Variants in FANCM observed in about 807,000 individuals in gnomAD.
FANCM encodes the protein Fanconi anemia group M protein.
In FANCM, 140 loss-of-function variants were observed where a neutral mutation model predicts 199.5. The ratio of observed to expected loss-of-function variants is 0.70; its 90% confidence interval spans 0.61 to 0.81. The LOEUF is 0.81. Among genes scored for constraint, FANCM ranks in the 30% least tolerant of loss-of-function variants. FANCM has a pLI of 0.00. For synonymous variants in FANCM, 840 were observed against 836.8 expected (o/e 1.00, Z -0.07); for missense variants, 2,410 against 2,421.4 (o/e 1.00, Z 0.10).
chr14:45,136,921 C>T lies in FANCM; in HGVS notation c.509-148C>T, dbSNP rs573519429. The stretch of plus-strand genomic sequence containing the variant: ...CTTTGATATTTGGACCACACCAGAA[C>T]TTTAAAATGTAGCATTCCGATGAAT... On this transcript the variant is annotated intron_variant, in intron 1 of 22. Transcript: ENST00000267430. 13 of 719,932 alleles carry T rather than the reference C, an allele frequency of 1.8e-5. No homozygotes were observed. The South Asian group carries it at 2.1e-4, about 12-fold the overall frequency. The allele number at this position is 719,932 out of a possible 1,614,324, so 44.6% of individuals were successfully genotyped here. A position where few individuals can be genotyped will look rare whatever the true frequency, so the allele number is the denominator to read the frequency against.
chr14:45,195,416 T>G, intron 20 of FANCM: 2 of 411,716 alleles, frequency 4.9e-6, no homozygotes, highest in East Asian at 7.2e-5. Context: ...TCCTTTCTGT[T>G]TTTATGGAGT....
At chr14:45,147,074 T>A (rs1286429941) in intron 3 of FANCM, among the ~76,000 whole-genome samples, 3 of 152,028 alleles carry the variant, frequency 2.0e-5, no homozygotes, top group African/African-American at 4.8e-5. Context: ...CATGTGGGAG[T>A]TACTCATGTA....
intron 8 of FANCM, among the ~76,000 whole-genome samples, chr14:45,158,879 C>T (rs1887378467): frequency 6.6e-6 from 1 of 151,774 alleles, no homozygotes; most frequent in East Asian, 1.9e-4. Context: ...GTTATGTTGC[C>T]CAGGCTGGTC....
chr14:45,149,888 T>C (rs1340192287), intron 4 of FANCM, among the ~76,000 whole-genome samples: 1 of 151,926 alleles, frequency 6.6e-6, no homozygotes, highest in East Asian at 1.9e-4. Context: ...GCATCTAGTA[T>C]ATGGAGGCCA....
In FANCM at chr14:45,140,703, T is replaced by C; in HGVS notation, c.753T>C (p.Asp251=). 6.3e-7 allele frequency: 1 copy of C among 1,575,362 alleles called. No homozygotes were observed. Among genetic ancestry groups the C allele is most frequent in the Non-Finnish European group, 8.7e-7 (1 of 1,145,644 alleles). Residue 251 remains aspartate, a synonymous_variant, in exon 3 of 23, where the codon GAT becomes GAC. Coordinates refer to ENST00000267430, the MANE Select transcript of FANCM (RefSeq NM_020937.4). ...ILALSATPGS[D]IKAVQQVITN... is the part of the protein sequence containing the mutation. ...CTCTAAGTGCCACACCAGGTAGTGA[T>C]ATAAAGGTAAGTAAAATGTTTTTCC...
chr14:45,162,017 A>ATGACTGTATCATGT lies in FANCM; in HGVS notation c.1582-2342_1582-2341insTGACTGTATCATGT, dbSNP rs1365080482. Among the ~76,000 whole-genome samples the ATGACTGTATCATGT allele has an allele frequency of 5.9e-5, 9 of 152,310 alleles. No individual in the cohort carries two copies. In the East Asian group the frequency reaches 1.7e-3, roughly 29 times the overall value. ...GTGGGATATGAGATAAAGGCATATG[A>ATGACTGTATCATGT]AGTCTGACTGTAGGATGACTCCAAG... On this transcript the variant is annotated intron_variant, in intron 9 of 22. Coordinates refer to ENST00000267430, the MANE Select transcript of FANCM (RefSeq NM_020937.4).
rs1012879238 is a variant in FANCM, at chr14:45,170,875, A to C, written c.2160+129A>C. 5 of 801,274 alleles carry C rather than the reference A, an allele frequency of 6.2e-6. No homozygotes were observed. The East Asian group carries it at 8.1e-5, about 13-fold the overall frequency. The allele number at this position is 801,274 out of a possible 1,614,324, so 49.6% of individuals were successfully genotyped here. A position where few individuals can be genotyped will look rare whatever the true frequency, so the allele number is the denominator to read the frequency against. On this transcript the variant is annotated intron_variant, in intron 12 of 22. Coordinates refer to ENST00000267430, the MANE Select transcript of FANCM (RefSeq NM_020937.4). ...TGAGATAATTGTGATTGGAATGTCA[A>C]CTTACTTTAAGAAATTAAGAATGTA... is the stretch of plus-strand genomic sequence containing the variant.
intron 3 of FANCM, among the ~76,000 whole-genome samples, chr14:45,142,598 G>A (rs1015289407): frequency 2.6e-5 from 4 of 151,920 alleles, no homozygotes; most frequent in Admixed American, 2.6e-4. Context: ...GAGCCACTGT[G>A]CCCGGCCGCT....
intron 18 of FANCM, among the ~76,000 whole-genome samples, chr14:45,186,216 A>G (rs1258287759): frequency 2.0e-5 from 3 of 152,172 alleles, no homozygotes; most frequent in Non-Finnish European, 2.9e-5. Context: ...TAAATAAGGC[A>G]GTTAGGAAGA....
intron 13 of FANCM, among the ~76,000 whole-genome samples, chr14:45,173,893 T>C (rs1261990640): frequency 6.6e-6 from 1 of 152,160 alleles, no homozygotes; most frequent in Admixed American, 6.5e-5. Context: ...GTAAATAAAG[T>C]AGTTAGATGT....
chr14:45,142,482 A>AT (rs1178672176), intron 3 of FANCM, among the ~76,000 whole-genome samples: 1 of 151,190 alleles, frequency 6.6e-6, no homozygotes, highest in Admixed American at 6.6e-5. Context: ...AATTTTTTGT[A>AT]TTTTTAGTAG....
intron 20 of FANCM, among the ~76,000 whole-genome samples, chr14:45,195,940 T>G (rs1890030366): frequency 6.6e-6 from 1 of 152,240 alleles, no homozygotes; most frequent in African/African-American, 2.4e-5. Context: ...TTAGACTTTC[T>G]GCTATTTCTT....
At chr14:45,168,044 T>C (rs1292055690) in intron 11 of FANCM, among the ~76,000 whole-genome samples, 1 of 152,176 alleles carries the variant, frequency 6.6e-6, no homozygotes, top group Non-Finnish European at 1.5e-5. Context: ...AGATAAAAAG[T>C]ACAGTTTTCA....
intron 20 of FANCM, among the ~76,000 whole-genome samples, chr14:45,193,573 A>C (rs1156257074): frequency 6.6e-6 from 1 of 152,212 alleles, no homozygotes; most frequent in Non-Finnish European, 1.5e-5. Flanking sequence ...TAATGATATA[A>C]AAGTCCAGCT....
At chr14:45,159,360 C>A in intron 9 of FANCM, 80 bp downstream of exon 9, 1 of 1,016,810 alleles carries the variant, frequency 9.8e-7, no homozygotes, top group Non-Finnish European at 1.5e-6. Context: ...AGTTTTAACT[C>A]ACTGGTCAAT....
At chr14:45,158,669 A>G (rs934485326) in intron 8 of FANCM, among the ~76,000 whole-genome samples, 3 of 152,160 alleles carry the variant, frequency 2.0e-5, no homozygotes, top group African/African-American at 7.2e-5. Context: ...AATGATAGCC[A>G]TTATGCCTGA....
intron 3 of FANCM, among the ~76,000 whole-genome samples, chr14:45,146,129 T>TAC (rs201770671): frequency 0.047 from 6,928 of 147,462 alleles, 533 homozygotes; most frequent in African/African-American, 0.16. Flanking sequence ...TAGTCCCAGC[T>TAC]ACTCGGGAGG....
intron 19 of FANCM, 73 bp from the exon 20 acceptor site, chr14:45,188,729 G>A: frequency 9.0e-7 from 1 of 1,114,798 alleles, no homozygotes; most frequent in Non-Finnish European, 1.3e-6. Context: ...GATTTCATGT[G>A]CCTAGAAGTA....
At chr14:45,162,006 A>G (rs1475951164) in intron 9 of FANCM, among the ~76,000 whole-genome samples, 1 of 152,186 alleles carries the variant, frequency 6.6e-6, no homozygotes, top group East Asian at 1.9e-4. Context: ...GATATGAGAT[A>G]AAGGCATATG....
Sources: gnomAD v4.1 joint callset for allele counts (sites outside exome capture counted in the v4.1 genomes callset) on GRCh38, gnomAD v4.1.1 for gene constraint, MANE v1.5 for transcripts, NCBI Gene and HGNC (gene_info 2026-07-23, HGNC 2026-07-21) for gene names.